Variants in PCDHGC4 observed in about 807,000 individuals in gnomAD.
The protein encoded by PCDHGC4 is protocadherin gamma-C4.
Under a neutral mutation model 59.7 loss-of-function variants are expected in PCDHGC4, and 15 were observed. The ratio of observed to expected loss-of-function variants is 0.25; its 90% CI spans 0.17 to 0.39. The LOEUF is 0.39. Ranked by LOEUF, PCDHGC4 falls within the 10% of genes least tolerant of loss-of-function variation. The pLI is 1.00. For synonymous variants in PCDHGC4, 434 were observed against 481.4 expected, an observed-to-expected ratio of 0.90 and a Z score of 1.29; for missense variants, 1,016 against 1,189.5, an observed-to-expected ratio of 0.85 and a Z score of 2.15.
chr5:141,503,045 G>A (rs543484478), intron 2 of PCDHGC4, among the ~76,000 whole-genome samples: 1 of 151,702 alleles, frequency 6.6e-6, no homozygotes, highest in South Asian at 2.1e-4. Context: ...AGTTGAGACA[G>A]GGTTTCACCA....
At chr5:141,506,563 C>T (rs925780739) in intron 3 of PCDHGC4, among the ~76,000 whole-genome samples, 2 of 152,062 alleles carry the variant, frequency 1.3e-5, no homozygotes, top group Non-Finnish European at 2.9e-5. Context: ...TAAACCCCCT[C>T]GGTTTCACTT....
intron 3 of PCDHGC4, among the ~76,000 whole-genome samples, chr5:141,509,320 C>A (rs1261653347): frequency 6.6e-6 from 1 of 152,194 alleles, no homozygotes; most frequent in Non-Finnish European, 1.5e-5. Flanking sequence ...GGGAGAGAAG[C>A]TCTACTGCCA....
chr5:141,485,229 T>G lies in PCDHGC4; in HGVS notation c.56T>G (p.Phe19Cys), dbSNP rs2099609870. ...ATCTGGCGGTGGGCTACCCTTTTGT[T>G]CCTCTTTTACCACCTGGGTTACGTT... is the stretch of plus-strand genomic sequence containing the variant. The part of the protein sequence containing the change: ...TEIWRWATLL[F>C]LFYHLGYVCG... The change falls in exon 1 of 4, where the codon TTC becomes TGC. Residue 19 changes from phenylalanine (F) to cysteine (C), a missense_variant. Phe to Cys is a radical substitution (Grantham distance 205). Coordinates refer to ENST00000306593, the MANE Select transcript of PCDHGC4 (RefSeq NM_018928.3). The surrounding 1 kb of genome is among the most constrained non-coding windows in gnomAD (Gnocchi z 5.7). 6.2e-7 allele frequency: 1 copy of G among 1,614,042 alleles called. No individual in the cohort carries two copies. The highest frequency in any genetic ancestry group is 8.5e-7 in the Non-Finnish European group (1 of 1,180,030).
In PCDHGC4 at chr5:141,485,124, C is replaced by A; in HGVS notation, c.-50C>A. ...GCTGCTGTGGCTGTTTGGGGCGGGT[C>A]GGCTTCATCCGCGTCTCAGGAGCAA... is the stretch of plus-strand genomic sequence containing the variant. On this transcript the variant is annotated 5_prime_UTR_variant, in exon 1 of 4. Transcript: ENST00000306593. The surrounding 1 kb of genome is among the most constrained non-coding windows in gnomAD (Gnocchi z 5.7). 2 of 1,390,136 alleles carry A rather than the reference C, an allele frequency of 1.4e-6. No homozygotes were observed. The highest frequency in any genetic ancestry group is 2.5e-5 in the South Asian group (2 of 80,180). 86.1% of individuals were successfully genotyped at this position (1,390,136 alleles called of 1,614,324 possible). A position where few individuals can be genotyped will look rare whatever the true frequency, so the allele number is the denominator to read the frequency against.
chr5:141,486,734 C>G lies in PCDHGC4; in HGVS notation c.1561C>G (p.Arg521Gly), dbSNP rs2099634292. The change falls in exon 1 of 4, where the codon CGA (arginine) becomes GGA (glycine). Residue 521 changes from arginine (R) to glycine (G), a missense_variant. By Grantham distance (125) the Arg-to-Gly change is moderately radical. Transcript: ENST00000306593. This position sits in a 1 kb window ranked among gnomAD's most constrained non-coding sequence, Gnocchi z 5.0. ...CCAGACAGGAGCTGTTCATGCTACT[C>G]GATCCTTTGACTATGAGCAAACCCA... ...NPQTGAVHATRSFDYEQTQTL... is the reference protein window; with the variant it reads ...NPQTGAVHATGSFDYEQTQTL... 6.2e-7 allele frequency: 1 copy of G among 1,614,070 alleles called. No individual in the cohort carries two copies. The highest frequency in any genetic ancestry group is 1.7e-5 in the Admixed American group (1 of 60,000).
In PCDHGC4 at chr5:141,485,848, C is replaced by A; in HGVS notation, c.675C>A (p.Thr225=). The stretch of plus-strand genomic sequence containing the variant: ...GAGGGAACCCGCCGAGATCTGGCAC[C>A]GCAGAGCTCCGGGTATCCGTGCTGG... ...VDGGNPPRSG[T]AELRVSVLDV... Residue 225 remains threonine, a synonymous_variant, in exon 1 of 4, where the codon ACC becomes ACA. Transcript: ENST00000306593. This position sits in a 1 kb window ranked among gnomAD's most constrained non-coding sequence, Gnocchi z 5.7. 1 of 1,614,192 alleles carries A rather than the reference C, an allele frequency of 6.2e-7. No homozygotes were observed. The highest frequency in any genetic ancestry group is 8.5e-7 in the Non-Finnish European group (1 of 1,180,020).
chr5:141,500,340 C>T (rs188966393), intron 2 of PCDHGC4, among the ~76,000 whole-genome samples: 1 of 151,950 alleles, frequency 6.6e-6, no homozygotes, highest in East Asian at 1.9e-4. Flanking sequence ...TCCAGAATAG[C>T]TGGGACTACA....
Position 141,489,138 on chromosome 5 carries a change from T to C in PCDHGC4, c.2442+1523T>C. 1.4e-6 allele frequency: 1 copy of C among 738,808 alleles called. No homozygotes were observed. The highest frequency in any genetic ancestry group is 3.0e-5 in the Admixed American group (1 of 33,014). The allele number at this position is 738,808 out of a possible 1,614,324, so 45.8% of individuals were successfully genotyped here. On this transcript the variant is annotated intron_variant, in intron 1 of 3. Transcript: ENST00000306593. This position sits in a 1 kb window ranked among gnomAD's most constrained non-coding sequence, Gnocchi z 4.5. ...AACCTCCGAGCAGTTTTTAAGAGGC[T>C]GGAAGGAGACATAAGAGACTTCAGC...
chr5:141,494,586 G>A (rs770159202), intron 1 of PCDHGC4, among the ~76,000 whole-genome samples: 1 of 152,112 alleles, frequency 6.6e-6, no homozygotes, highest in Non-Finnish European at 1.5e-5. Context: ...GCTCACTGTG[G>A]TCAGATGAAA....
In PCDHGC4 at chr5:141,490,291, C is replaced by T; in HGVS notation, c.2442+2676C>T. 6.2e-7 allele frequency: 1 copy of T among 1,614,212 alleles called. No homozygotes were observed. Among genetic ancestry groups the T allele is most frequent in the Non-Finnish European group, 8.5e-7 (1 of 1,180,048 alleles). On this transcript the variant is annotated intron_variant, in intron 1 of 3. Transcript: ENST00000306593. The surrounding 1 kb of genome is among the most constrained non-coding windows in gnomAD (Gnocchi z 5.4). ...TGTCAATGACAATGCCCCAGAGGTG[C>T]TATTGGCCTCTTTGGCCAACCCTGT...
At position 141,511,542 on chromosome 5, in the gene PCDHGC4, A is replaced by C; in HGVS notation, c.*369A>C. The stretch of plus-strand genomic sequence containing the variant: ...CCCATGCCTCCCTCCTCCCCACCCC[A>C]CTCCAACAGTTCCTCTTTCCCGAGT... On this transcript the variant is annotated 3_prime_UTR_variant, in exon 4 of 4. Coordinates refer to ENST00000306593, the MANE Select transcript of PCDHGC4 (RefSeq NM_018928.3). 6.6e-6 allele frequency: 2 copies of C among 302,184 alleles called. No homozygotes were observed. The highest frequency in any genetic ancestry group is 3.7e-5 in the South Asian group (1 of 26,678). The allele number at this position is 302,184 out of a possible 1,614,324, so 18.7% of individuals were successfully genotyped here. A position where few individuals can be genotyped will look rare whatever the true frequency, so the allele number is the denominator to read the frequency against.
chr5:141,490,215 G>C lies in PCDHGC4; in HGVS notation c.2442+2600G>C. 6.2e-7 allele frequency: 1 copy of C among 1,614,254 alleles called. No individual in the cohort carries two copies. Among genetic ancestry groups the C allele is most frequent in the African/African-American group, 1.3e-5 (1 of 75,078 alleles). On this transcript the variant is annotated intron_variant, in intron 1 of 3. Coordinates refer to ENST00000306593, the MANE Select transcript of PCDHGC4 (RefSeq NM_018928.3). The surrounding 1 kb of genome is among the most constrained non-coding windows in gnomAD (Gnocchi z 5.4). ...AAATTCATGCAAGAGCCCGTGACCA[G>C]GGACAGCCTGCCATGGAGGGCCACT... is the stretch of plus-strand genomic sequence containing the variant.
chr5:141,507,849 C>CA (rs2099864208), intron 3 of PCDHGC4, among the ~76,000 whole-genome samples: 1 of 152,222 alleles, frequency 6.6e-6, no homozygotes, highest in African/African-American at 2.4e-5. Flanking sequence ...GCCCTGCTCT[C>CA]ACTTTCACAC....
intron 2 of PCDHGC4, among the ~76,000 whole-genome samples, chr5:141,496,078 CCCCACCCACCA>C (rs1204698458): frequency 6.6e-6 from 1 of 152,016 alleles, no homozygotes; most frequent in Non-Finnish European, 1.5e-5. Context: ...ACACACAACC[CCCCACCCACCA>C]CCCACCAACA....
intron 1 of PCDHGC4, among the ~76,000 whole-genome samples, chr5:141,492,968 C>T: frequency 6.6e-6 from 1 of 152,240 alleles, no homozygotes; most frequent in East Asian, 1.9e-4. Flanking sequence ...GACACTCTAA[C>T]AAGTCCTGTC....
chr5:141,495,547 C>G (rs2099762038), intron 2 of PCDHGC4, among the ~76,000 whole-genome samples: 1 of 152,228 alleles, frequency 6.6e-6, no homozygotes, highest in South Asian at 2.1e-4. Flanking sequence ...CAGTCTCTAT[C>G]TCGCTTTGCA....
At chr5:141,506,462 AAAAG>A (rs1396142744) in intron 3 of PCDHGC4, among the ~76,000 whole-genome samples, 1 of 151,856 alleles carries the variant, frequency 6.6e-6, no homozygotes, top group African/African-American at 2.4e-5. Flanking sequence ...AAAAAAAAAA[AAAAG>A]AGCACAGGCT....
Position 141,489,338 on chromosome 5 carries a change from A to T in PCDHGC4, c.2442+1723A>T, listed in dbSNP as rs1303176012. 1 of 1,608,414 alleles carries T rather than the reference A, an allele frequency of 6.2e-7. No homozygotes were observed. Among genetic ancestry groups the T allele is most frequent in the South Asian group, 1.1e-5 (1 of 90,478 alleles). ...GGCTGGGTGTCTGGGCAGCTTCGTTACTCAGTGGTGGAGGAGTCTGAGCCG... is the reference window on the plus strand; with the variant it reads ...GGCTGGGTGTCTGGGCAGCTTCGTTTCTCAGTGGTGGAGGAGTCTGAGCCG... On this transcript the variant is annotated intron_variant, in intron 1 of 3. Coordinates refer to ENST00000306593, the MANE Select transcript of PCDHGC4 (RefSeq NM_018928.3). This position sits in a 1 kb window ranked among gnomAD's most constrained non-coding sequence, Gnocchi z 4.5.
At chr5:141,508,815 C>T (rs1190983144) in intron 3 of PCDHGC4, among the ~76,000 whole-genome samples, 1 of 152,138 alleles carries the variant, frequency 6.6e-6, no homozygotes, top group East Asian at 1.9e-4. Context: ...TCTTTGAAGC[C>T]AGATCTGGGC....
Sources: gnomAD v4.1 joint callset for allele counts (sites outside exome capture counted in the v4.1 genomes callset) on GRCh38, gnomAD v4.1.1 for gene constraint, Gnocchi (gnomAD v3.1) non-coding constraint, MANE v1.5 for transcripts, NCBI Gene and HGNC (gene_info 2026-07-23, HGNC 2026-07-21) for gene names.